Variants in RNF182 observed in about 807,000 individuals in gnomAD.
RNF182 encodes the protein E3 ubiquitin-protein ligase RNF182.
A neutral mutation model predicts 14.4 loss-of-function variants in RNF182; 15 were observed. That is an observed-to-expected ratio of 1.04 (90% confidence interval 0.70 to 1.60). The LOEUF (loss-of-function observed/expected upper bound fraction) is 1.60, where lower values mean the gene tolerates loss of function less well. Ranked by LOEUF, RNF182 falls within the 40% of genes most tolerant of loss-of-function variation. The pLI is 0.00. For synonymous variants in RNF182, 128 were observed against 122.9 expected, an observed-to-expected ratio of 1.04 and a Z score of -0.27; for missense variants, 268 against 294.8, an observed-to-expected ratio of 0.91 and a Z score of 0.67.
At chr6:13,926,775 TTG>T (rs967148826) in intron 1 of RNF182, among the ~76,000 whole-genome samples, 7 of 150,598 alleles carry the variant, frequency 4.6e-5, no homozygotes, top group African/African-American at 7.3e-5. Context: ...TTTTGTGTGT[TTG>T]TGTGTGTGTG....
intron 1 of RNF182, among the ~76,000 whole-genome samples, chr6:13,965,854 A>G (rs1332358932): frequency 6.6e-6 from 1 of 152,234 alleles, no homozygotes; most frequent in African/African-American, 2.4e-5. Context: ...GAGGGCTTAT[A>G]TAGCAGGGCA....
intron 1 of RNF182, among the ~76,000 whole-genome samples, chr6:13,972,435 G>C (rs564257399): frequency 6.6e-6 from 1 of 152,252 alleles, no homozygotes; most frequent in East Asian, 1.9e-4. Flanking sequence ...GTAATGAGGA[G>C]CCAAATGTTA....
At chr6:13,968,203 G>T (rs955567412) in intron 1 of RNF182, among the ~76,000 whole-genome samples, 4 of 152,126 alleles carry the variant, frequency 2.6e-5, no homozygotes, top group Admixed American at 6.6e-5. Flanking sequence ...AATTAATAAG[G>T]AGTAAAACAA....
chr6:13,938,810 A>AAT (rs1332085565), intron 1 of RNF182, among the ~76,000 whole-genome samples: 1 of 152,118 alleles, frequency 6.6e-6, no homozygotes, highest in South Asian at 2.1e-4. Flanking sequence ...GTATTTGTCT[A>AAT]ATAAAGTGTC....
At chr6:13,969,690 T>G (rs1760127023) in intron 1 of RNF182, among the ~76,000 whole-genome samples, 1 of 152,180 alleles carries the variant, frequency 6.6e-6, no homozygotes, top group Non-Finnish European at 1.5e-5. Context: ...GGTTTATTAT[T>G]TAGGGCTGTG....
At chr6:13,936,163 T>G (rs1759102818) in intron 1 of RNF182, among the ~76,000 whole-genome samples, 1 of 152,220 alleles carries the variant, frequency 6.6e-6, no homozygotes, top group African/African-American at 2.4e-5. Flanking sequence ...TGCCCCTTGA[T>G]CTAATCACCT....
intron 1 of RNF182, among the ~76,000 whole-genome samples, chr6:13,959,871 G>A (rs1759823850): frequency 6.6e-6 from 1 of 152,198 alleles, no homozygotes; most frequent in African/African-American, 2.4e-5. Flanking sequence ...AGAGGGAAGG[G>A]ATAGGCTGCA....
At chr6:13,960,816 C>T (rs979847693) in intron 1 of RNF182, among the ~76,000 whole-genome samples, 2 of 152,136 alleles carry the variant, frequency 1.3e-5, no homozygotes, top group African/African-American at 4.8e-5. Flanking sequence ...TTTCTTTAGA[C>T]ATTTTAGTTT....
intron 1 of RNF182, chr6:13,949,465 G>A: frequency 1.6e-6 from 1 of 638,494 alleles, no homozygotes; most frequent in Non-Finnish European, 2.9e-6. Flanking sequence ...GCCTTTGGTT[G>A]ACGAGAAAGG....
intron 1 of RNF182, among the ~76,000 whole-genome samples, chr6:13,926,119 C>T (rs1001340974): frequency 1.3e-5 from 2 of 152,000 alleles, no homozygotes; most frequent in African/African-American, 4.8e-5. Context: ...TATGAGATGT[C>T]ATATTGATAA....
At chr6:13,975,550 G>A (rs975686504) in intron 2 of RNF182, among the ~76,000 whole-genome samples, 5 of 152,082 alleles carry the variant, frequency 3.3e-5, no homozygotes, top group African/African-American at 1.2e-4. Context: ...TATACATCTT[G>A]CCACTGCTAT....
At chr6:13,966,867 C>G (rs1585045702) in intron 1 of RNF182, among the ~76,000 whole-genome samples, 1 of 148,698 alleles carries the variant, frequency 6.7e-6, no homozygotes, top group East Asian at 2.0e-4. Flanking sequence ...CAAACATGCT[C>G]TCTCTGTTGC....
At chr6:13,925,109 C>A (rs978978528) in intron 1 of RNF182, 86 bp downstream of exon 1, 1 of 57,502 alleles carries the variant, frequency 1.7e-5, no homozygotes, top group Non-Finnish European at 3.9e-5. Flanking sequence ...CCCCGCAGTC[C>A]TGGACGGCGC....
At chr6:13,929,654 A>G (rs2113575924) in intron 1 of RNF182, among the ~76,000 whole-genome samples, 1 of 152,346 alleles carries the variant, frequency 6.6e-6, no homozygotes, top group Middle Eastern at 3.4e-3. Context: ...AACCCTTTGA[A>G]GTAGGTACTA....
chr6:13,950,866 A>C (rs1033463431), intron 1 of RNF182, among the ~76,000 whole-genome samples: 6 of 151,948 alleles, frequency 3.9e-5, no homozygotes, highest in African/African-American at 9.7e-5. Flanking sequence ...ATGCAATCTC[A>C]GCTCACTGCA....
At chr6:13,948,711 A>G (rs573017681) in intron 1 of RNF182, among the ~76,000 whole-genome samples, 1 of 152,332 alleles carries the variant, frequency 6.6e-6, no homozygotes, top group South Asian at 2.1e-4. Context: ...AAAACACTTT[A>G]TGTTATAAAA....
chr6:13,948,480 A>G (rs1286137436), intron 1 of RNF182, among the ~76,000 whole-genome samples: 1 of 152,190 alleles, frequency 6.6e-6, no homozygotes, highest in African/African-American at 2.4e-5. Context: ...ACACATACCA[A>G]TAACACATTT....
chr6:13,976,910 C>T lies in RNF182; in HGVS notation c.-210C>T. On this transcript the variant is annotated splice_region_variant and 5_prime_UTR_variant, in exon 3 of 3. Transcript: ENST00000488300. ...TAGAATCTCTTTTCTTCTTTACAGA[C>T]CCTTCATGTGGCCTTTATAAATATG... 1.7e-6 allele frequency: 1 copy of T among 577,768 alleles called. No homozygotes were observed. Among genetic ancestry groups the T allele is most frequent in the Non-Finnish European group, 3.1e-6 (1 of 326,644 alleles). The allele number at this position is 577,768 out of a possible 1,614,324, so 35.8% of individuals were successfully genotyped here. A position where few individuals can be genotyped will look rare whatever the true frequency, so the allele number is the denominator to read the frequency against.
chr6:13,959,772 G>C (rs769780130), intron 1 of RNF182, among the ~76,000 whole-genome samples: 1 of 152,210 alleles, frequency 6.6e-6, no homozygotes, highest in Non-Finnish European at 1.5e-5. Context: ...GTGGTAGTGA[G>C]AGGTGAGGGT....
Sources: gnomAD v4.1 joint callset for allele counts (sites outside exome capture counted in the v4.1 genomes callset) on GRCh38, gnomAD v4.1.1 for gene constraint, MANE v1.5 for transcripts, NCBI Gene and HGNC (gene_info 2026-07-23, HGNC 2026-07-21) for gene names.